PRMT8: variants seen among roughly 807,000 people sequenced by gnomAD.
PRMT8 encodes protein arginine N-methyltransferase 8.
A neutral mutation model predicts 47.1 loss-of-function variants in PRMT8; 7 were observed. That is an observed-to-expected ratio of 0.15 (90% CI 0.08 to 0.28). The LOEUF (loss-of-function observed/expected upper bound fraction) is 0.28, where lower values mean the gene tolerates loss of function less well. Among genes scored for constraint, PRMT8 ranks in the 10% least tolerant of loss-of-function variants. PRMT8 has a pLI of 1.00. For synonymous variants in PRMT8, 188 were observed against 186.5 expected (o/e 1.01, Z -0.07); for missense variants, 237 against 505.4 (o/e 0.47, Z 5.09).
At position 3,540,633 on chromosome 12, in the gene PRMT8, C is replaced by CCCCCCCCCCCG; in HGVS notation, c.103_104insCCCCCCCCCCG (p.Gln35ProfsTer35). 3.2e-6 allele frequency: 5 copies of CCCCCCCCCCCG among 1,553,168 alleles called. No individual in the cohort carries two copies. Among genetic ancestry groups the CCCCCCCCCCCG allele is most frequent in the African/African-American group, 1.4e-5 (1 of 73,460 alleles). ...GAACAGCCCCCCCTCCCAGCCCCCCCAGCCCGTCGTCCCTGCTAAGCCCGT... is the reference window on the plus strand; with the variant it reads ...GAACAGCCCCCCCTCCCAGCCCCCCCCCCCCCCCCCGAGCCCGTCGTCCCTGCTAAGCCCGT... On this transcript the variant is annotated frameshift_variant, in exon 2 of 10. Transcript: ENST00000382622. LOFTEE classifies it high-confidence loss of function.
rs1254879246 is a variant in PRMT8, at chr12:3,469,261, C to T, written c.49-71345C>T. On this transcript the variant is annotated intron_variant, in intron 1 of 9. Coordinates refer to the PRMT8 transcript ENST00000452611. The stretch of plus-strand genomic sequence containing the variant: ...ACCCCCATCCTGATTTAGACCTTCA[C>T]GTGCTGCCTCACGACCCCCACCAAA... 8 of 432,998 alleles carry T rather than the reference C, an allele frequency of 1.8e-5. No homozygotes were observed. The East Asian group carries it at 2.0e-4, about 11-fold the overall frequency. 26.8% of individuals were successfully genotyped at this position (432,998 alleles called of 1,614,324 possible).
intron 1 of PRMT8, among the ~76,000 whole-genome samples, chr12:3,428,734 T>C (rs1224394366): frequency 1.3e-5 from 2 of 152,094 alleles, no homozygotes. Context: ...GACTTTCCTT[T>C]TGCCTCTGTC....
At chr12:3,521,207 G>C (rs1472159171) in intron 1 of PRMT8, among the ~76,000 whole-genome samples, 1 of 152,188 alleles carries the variant, frequency 6.6e-6, no homozygotes, top group Admixed American at 6.5e-5. Flanking sequence ...CATAATAAGA[G>C]AACTAACAAA....
intron 1 of PRMT8, among the ~76,000 whole-genome samples, chr12:3,445,788 T>C (rs1422505121): frequency 6.6e-6 from 1 of 152,244 alleles, no homozygotes; most frequent in East Asian, 1.9e-4. Flanking sequence ...TCGTATAATG[T>C]GTGCAAGGTG....
rs10848881 is a variant in PRMT8 at position 3,553,835 on chromosome 12, A to G, written c.481+121A>G. The G allele has an allele frequency of 7.3e-3, 6,536 of 892,904 alleles. 152 individuals are homozygous for G. Among genetic ancestry groups the G allele is most frequent in the East Asian group, 0.053 (2,087 of 39,718 alleles). The allele number at this position is 892,904 out of a possible 1,614,324, so 55.3% of individuals were successfully genotyped here. A position where few individuals can be genotyped will look rare whatever the true frequency, so the allele number is the denominator to read the frequency against. ...TTGGACTTGGGGAGGTGGTGCACCC[A>G]GCTGAGGCCCCCGCCAGCAAGACTG... On this transcript the variant is annotated intron_variant, in intron 4 of 9. Transcript: ENST00000382622.
At chr12:3,547,228 C>A (rs1004861044) in intron 2 of PRMT8, among the ~76,000 whole-genome samples, 2 of 152,048 alleles carry the variant, frequency 1.3e-5, no homozygotes, top group South Asian at 2.1e-4. Flanking sequence ...ATTTTACTGG[C>A]AGTCTTTGCC....
intron 2 of PRMT8, among the ~76,000 whole-genome samples, chr12:3,541,380 G>A (rs946204710): frequency 6.6e-6 from 1 of 152,162 alleles, no homozygotes; most frequent in Non-Finnish European, 1.5e-5. Context: ...CTAACAAGAG[G>A]CATCCTGGCC....
chr12:3,418,197 T>C (rs1465175584), intron 1 of PRMT8, among the ~76,000 whole-genome samples: 3 of 152,192 alleles, frequency 2.0e-5, no homozygotes, highest in African/African-American at 4.8e-5. Context: ...GAGGCTGAGG[T>C]TGCCAGGGGA....
chr12:3,579,112 A>G (rs1366817265), intron 7 of PRMT8, among the ~76,000 whole-genome samples: 1 of 152,212 alleles, frequency 6.6e-6, no homozygotes, highest in African/African-American at 2.4e-5. Context: ...CCCAGCAAGA[A>G]GCTCACCCAT....
intron 1 of PRMT8, among the ~76,000 whole-genome samples, chr12:3,459,246 G>A (rs914895089): frequency 6.6e-6 from 1 of 152,164 alleles, no homozygotes; most frequent in Non-Finnish European, 1.5e-5. Flanking sequence ...GCTTGCCACT[G>A]TCCTTCCTTG....
intron 1 of PRMT8, among the ~76,000 whole-genome samples, chr12:3,423,782 A>G (rs912657334): frequency 4.6e-5 from 7 of 152,214 alleles, no homozygotes; most frequent in Non-Finnish European, 1.0e-4. Context: ...GAACTCCACC[A>G]AGTGACTGTT....
chr12:3,534,569 T>C (rs969876143), intron 1 of PRMT8, among the ~76,000 whole-genome samples: 1 of 152,196 alleles, frequency 6.6e-6, no homozygotes, highest in Non-Finnish European at 1.5e-5. Flanking sequence ...TGGGCCTCAG[T>C]CTCTCCATCT....
chr12:3,586,946 C>T lies in PRMT8; in HGVS notation c.979+3738C>T, dbSNP rs188381532. On this transcript the variant is annotated intron_variant, in intron 8 of 9. Coordinates refer to ENST00000382622, the MANE Select transcript of PRMT8 (RefSeq NM_019854.5). ...TGAGTTGCTTTCTCAGCCACCTTCG[C>T]GTGTCAGCGTGGGGGCTCTGTTTCT... Among the ~76,000 whole-genome samples, 121 of 152,314 alleles carry T rather than the reference C, an allele frequency of 7.9e-4. 1 individual carries two copies. Among genetic ancestry groups the T allele is most frequent in the African/African-American group, 2.8e-3 (115 of 41,568 alleles).
At chr12:3,424,292 G>C (rs1275316306) in intron 1 of PRMT8, among the ~76,000 whole-genome samples, 1 of 152,140 alleles carries the variant, frequency 6.6e-6, no homozygotes, top group African/African-American at 2.4e-5. Context: ...GCTCTAAGGG[G>C]TTACATTGTC....
intron 7 of PRMT8, among the ~76,000 whole-genome samples, chr12:3,582,097 G>A (rs138723314): frequency 4.6e-5 from 7 of 152,222 alleles, no homozygotes; most frequent in East Asian, 3.9e-4. Flanking sequence ...TCCTTGCTGC[G>A]CAACCTTGAC....
At chr12:3,507,821 C>G (rs1051861422) in intron 1 of PRMT8, among the ~76,000 whole-genome samples, 1 of 145,304 alleles carries the variant, frequency 6.9e-6, no homozygotes, top group Non-Finnish European at 1.5e-5. Context: ...TGCAGTGGTG[C>G]GATCTCGGAT....
In PRMT8 at chr12:3,456,231, G is replaced by T. The variant is rs962819817; in HGVS notation, c.48+74789G>T. On this transcript the variant is annotated intron_variant, in intron 1 of 9. Coordinates refer to the PRMT8 transcript ENST00000452611. This position sits in a 1 kb window ranked among gnomAD's most constrained non-coding sequence, Gnocchi z 4.2. ...AAGCGCCACCTTTGAGCGGGAAATGGCAGCCTCCCCTTGCCTGCAGTTCTT... is the reference window on the plus strand; with the variant it reads ...AAGCGCCACCTTTGAGCGGGAAATGTCAGCCTCCCCTTGCCTGCAGTTCTT... Among the ~76,000 whole-genome samples, 3 of 152,206 alleles carry T rather than the reference G, an allele frequency of 2.0e-5. No homozygotes were observed. The highest frequency in any genetic ancestry group is 4.8e-5 in the African/African-American group (2 of 41,442).
intron 1 of PRMT8, among the ~76,000 whole-genome samples, chr12:3,515,822 G>A (rs1298228986): frequency 6.6e-6 from 1 of 152,226 alleles, no homozygotes; most frequent in Non-Finnish European, 1.5e-5. Flanking sequence ...CGTTAGTGCT[G>A]GCAGTTCCTA....
In PRMT8 at chr12:3,420,035, C is replaced by CAG. The variant is rs145716727; in HGVS notation, c.48+38621_48+38622dup. ...GGGGAAAGAGAGAGAGAGAGACAGA[C>CAG]AGAGAGAGAGAGAGAGAGAGAGAGA... On this transcript the variant is annotated intron_variant, in intron 1 of 9. Coordinates refer to the PRMT8 transcript ENST00000452611. Among the ~76,000 whole-genome samples, 371 of 131,868 alleles carry CAG rather than the reference C, an allele frequency of 2.8e-3. 3 individuals are homozygous for CAG. Among genetic ancestry groups the CAG allele is most frequent in the African/African-American group, 0.01 (338 of 33,736 alleles). The allele number at this position is 131,868 out of a possible 152,430, so 86.5% of individuals were successfully genotyped here.
Sources: allele counts gnomAD v4.1 joint callset (sites outside exome capture counted in the v4.1 genomes callset), GRCh38; gene constraint gnomAD v4.1.1; non-coding constraint Gnocchi (gnomAD v3.1); transcripts MANE v1.5; gene names NCBI Gene and HGNC (gene_info 2026-07-23, HGNC 2026-07-21).